NTRK2: variants seen among roughly 807,000 people sequenced by gnomAD.
NTRK2 encodes BDNF/NT-3 growth factors receptor.
Under a neutral mutation model 94.5 loss-of-function variants are expected in NTRK2, and 13 were observed. The ratio of observed to expected loss-of-function variants is 0.14; its 90% CI spans 0.09 to 0.22. The LOEUF (loss-of-function observed/expected upper bound fraction) is 0.22. Among genes scored for constraint, NTRK2 ranks in the 10% least tolerant of loss-of-function variants. The probability of loss-of-function intolerance (pLI) is 1.00; values close to 1 mark genes in which losing one functional copy is unlikely to be tolerated. For synonymous variants in NTRK2, 372 were observed against 407.4 expected, an observed-to-expected ratio of 0.91 and a Z score of 1.05; for missense variants, 639 against 1,071.2, an observed-to-expected ratio of 0.60 and a Z score of 5.63.
intron 9 of NTRK2, among the ~76,000 whole-genome samples, chr9:84,729,691 C>A (rs1451530935): frequency 6.6e-6 from 1 of 152,214 alleles, no homozygotes; most frequent in Non-Finnish European, 1.5e-5. Context: ...TTACTAACAA[C>A]TGAACTTCAG....
intron 14 of NTRK2, among the ~76,000 whole-genome samples, chr9:84,919,479 C>T (rs1167520517): frequency 6.6e-6 from 1 of 152,202 alleles, no homozygotes; most frequent in African/African-American, 2.4e-5. Context: ...AGGCCTGGCT[C>T]TTTAACTGAC....
intron 12 of NTRK2, among the ~76,000 whole-genome samples, chr9:84,847,613 C>T (rs1419308210): frequency 6.6e-6 from 1 of 152,192 alleles, no homozygotes; most frequent in Non-Finnish European, 1.5e-5. Context: ...CGGCTTATGT[C>T]AACCTTCGAA....
chr9:84,685,410 T>C (rs552873246), intron 2 of NTRK2, among the ~76,000 whole-genome samples: 1 of 152,074 alleles, frequency 6.6e-6, no homozygotes, highest in East Asian at 1.9e-4. Flanking sequence ...TACTCATCAG[T>C]CTTCTTTCAG....
chr9:84,817,524 A>G (rs1259827522), intron 12 of NTRK2, among the ~76,000 whole-genome samples: 2 of 152,172 alleles, frequency 1.3e-5, no homozygotes, highest in African/African-American at 4.8e-5. Flanking sequence ...GTTATTTGCA[A>G]ATTCTTGGAG....
At chr9:84,819,039 G>A (rs753884990) in intron 12 of NTRK2, among the ~76,000 whole-genome samples, 16 of 152,106 alleles carry the variant, frequency 1.1e-4, no homozygotes, top group Non-Finnish European at 1.9e-4. Context: ...CATCTCACAC[G>A]CTACAAGACC....
chr9:84,724,478 G>A, intron 8 of NTRK2, 122 bp downstream of exon 8: 1 of 1,106,204 alleles, frequency 9.0e-7, no homozygotes, highest in Non-Finnish European at 1.4e-6. Flanking sequence ...AGTGTTTTGT[G>A]CATACTCTAT....
At chr9:84,799,654 T>A (rs911591127) in intron 12 of NTRK2, among the ~76,000 whole-genome samples, 1 of 152,126 alleles carries the variant, frequency 6.6e-6, no homozygotes, top group African/African-American at 2.4e-5. Context: ...GAATTTTTGA[T>A]GTTCAGCATG....
At position 84,827,812 on chromosome 9, in the gene NTRK2, G is replaced by A. The variant is rs550227694; in HGVS notation, c.1397-33228G>A. On this transcript the variant is annotated intron_variant, in intron 12 of 18. Coordinates refer to ENST00000277120, the MANE Select transcript of NTRK2 (RefSeq NM_006180.6). ...GCTTCACCTCTGCGTTTTCAGCTGAGCTAACCTCAGTCTATCAGTTTCTCC... is the reference window on the plus strand; with the variant it reads ...GCTTCACCTCTGCGTTTTCAGCTGAACTAACCTCAGTCTATCAGTTTCTCC... Among the ~76,000 whole-genome samples, 6 of 152,252 alleles carry A rather than the reference G, an allele frequency of 3.9e-5. No homozygotes were observed. The South Asian group carries it at 1.2e-3, about 32-fold the overall frequency.
chr9:84,695,073 A>AAC (rs1554694510), intron 2 of NTRK2, among the ~76,000 whole-genome samples: 60,693 of 131,372 alleles, frequency 0.46, 15,043 homozygotes, highest in East Asian at 0.62. Context: ...AAAAAAAAAA[A>AAC]ACACACAACA....
intron 13 of NTRK2, among the ~76,000 whole-genome samples, chr9:84,864,360 T>G: frequency 6.7e-6 from 1 of 150,334 alleles, no homozygotes. Flanking sequence ...GGGGAAAGGG[T>G]GGGAGGGGGG....
intron 14 of NTRK2, chr9:84,875,566 G>T: frequency 9.4e-7 from 1 of 1,062,732 alleles, no homozygotes; most frequent in Non-Finnish European, 1.1e-6. Context: ...TCAAAGAGCC[G>T]AGTATGCTGG....
At chr9:84,718,105 C>G (rs926305563) in intron 6 of NTRK2, among the ~76,000 whole-genome samples, 1 of 150,730 alleles carries the variant, frequency 6.6e-6, no homozygotes, top group South Asian at 2.1e-4. Context: ...ATTTTTTTCC[C>G]TCTAGAATCT....
intron 12 of NTRK2, among the ~76,000 whole-genome samples, chr9:84,838,065 T>C (rs1334033629): frequency 6.6e-6 from 1 of 152,188 alleles, no homozygotes; most frequent in Non-Finnish European, 1.5e-5. Flanking sequence ...GAGAATCAAA[T>C]TACAAATCCA....
intron 6 of NTRK2, among the ~76,000 whole-genome samples, chr9:84,711,635 C>A (rs1483538303): frequency 6.6e-6 from 1 of 152,192 alleles, no homozygotes; most frequent in African/African-American, 2.4e-5. Context: ...CCATGTAGCA[C>A]CTGGTTCTTG....
At chr9:84,792,998 T>C (rs2068886146) in intron 12 of NTRK2, among the ~76,000 whole-genome samples, 1 of 152,178 alleles carries the variant, frequency 6.6e-6, no homozygotes, top group African/African-American at 2.4e-5. Flanking sequence ...ATCACCATCA[T>C]CACCATCATT....
At chr9:84,757,181 CG>C (rs2065158729) in intron 12 of NTRK2, among the ~76,000 whole-genome samples, 1 of 151,848 alleles carries the variant, frequency 6.6e-6, no homozygotes, top group South Asian at 2.1e-4. Flanking sequence ...AAAATGCCGT[CG>C]AAAAATTAGA....
At chr9:84,900,562 T>A (rs1407252257) in intron 14 of NTRK2, among the ~76,000 whole-genome samples, 8 of 152,192 alleles carry the variant, frequency 5.3e-5, no homozygotes, top group Non-Finnish European at 1.2e-4. Flanking sequence ...AGCATCCATA[T>A]CTCTCAGAGG....
At chr9:84,751,544 G>T (rs973640153) in intron 11 of NTRK2, among the ~76,000 whole-genome samples, 2 of 152,050 alleles carry the variant, frequency 1.3e-5, no homozygotes, top group African/African-American at 2.4e-5. Flanking sequence ...TTGTGCTATT[G>T]CACTTTAGCC....
At chr9:84,746,866 T>A (rs750902344) in intron 11 of NTRK2, among the ~76,000 whole-genome samples, 1 of 152,216 alleles carries the variant, frequency 6.6e-6, no homozygotes, top group Non-Finnish European at 1.5e-5. Context: ...ACCCCATTTA[T>A]TTGTTTGTTT....
Sources: gnomAD v4.1 joint callset for allele counts (sites outside exome capture counted in the v4.1 genomes callset) on GRCh38, gnomAD v4.1.1 for gene constraint, MANE v1.5 for transcripts, NCBI Gene and HGNC (gene_info 2026-07-23, HGNC 2026-07-21) for gene names.